Variants in CSMD1 observed in about 807,000 individuals in gnomAD.
The protein encoded by CSMD1 is CUB and sushi domain-containing protein 1.
In CSMD1, 213 loss-of-function variants were observed where a neutral mutation model predicts 417.5. That is an observed-to-expected ratio of 0.51 (90% CI 0.46 to 0.57). CSMD1 has a LOEUF of 0.57. Ranked by LOEUF, CSMD1 falls within the 20% of genes least tolerant of loss-of-function variation. The pLI is 0.00. For synonymous variants in CSMD1, 2,862 were observed against 1,736.8 expected (o/e 1.65, Z -16.11); for missense variants, 6,923 against 4,529.7 (o/e 1.53, Z -15.17).
chr8:3,332,940 G>A (rs1478596157), intron 23 of CSMD1, among the ~76,000 whole-genome samples: 1 of 152,230 alleles, frequency 6.6e-6, no homozygotes, highest in Non-Finnish European at 1.5e-5. Context: ...TCGATGCTGA[G>A]TTTGTCAAGA....
intron 2 of CSMD1, among the ~76,000 whole-genome samples, chr8:4,482,161 TG>T (rs1316586698): frequency 6.6e-6 from 1 of 152,158 alleles, no homozygotes; most frequent in East Asian, 1.9e-4. Flanking sequence ...ACTTGTGTCA[TG>T]GGGGTTTGCT....
chr8:3,811,308 T>C (rs1201839988), intron 5 of CSMD1, among the ~76,000 whole-genome samples: 1 of 152,218 alleles, frequency 6.6e-6, no homozygotes, highest in Non-Finnish European at 1.5e-5. Context: ...GCTAACCTGC[T>C]ATAACCTTCA....
chr8:4,129,656 G>T (rs898032842), intron 3 of CSMD1, among the ~76,000 whole-genome samples: 1 of 151,882 alleles, frequency 6.6e-6, no homozygotes, highest in Non-Finnish European at 1.5e-5. Context: ...ATTCTCTTTT[G>T]TCCCAATGTT....
chr8:3,897,334 C>G (rs530331523), intron 5 of CSMD1, among the ~76,000 whole-genome samples: 1 of 152,294 alleles, frequency 6.6e-6, no homozygotes, highest in Non-Finnish European at 1.5e-5. Context: ...GGTCAGGTTT[C>G]TCTTATAAGC....
chr8:4,152,771 T>C (rs566105605), intron 3 of CSMD1, among the ~76,000 whole-genome samples: 1 of 152,014 alleles, frequency 6.6e-6, no homozygotes, highest in Admixed American at 6.6e-5. Flanking sequence ...TATAATCAAA[T>C]ATATATGCAT....
intron 49 of CSMD1, among the ~76,000 whole-genome samples, chr8:3,073,606 C>G (rs1037029884): frequency 3.9e-5 from 6 of 152,082 alleles, no homozygotes; most frequent in African/African-American, 1.2e-4. Flanking sequence ...GAGGACTTTT[C>G]TAGGCCACAG....
At chr8:2,974,054 T>C (rs1475379381) in intron 56 of CSMD1, among the ~76,000 whole-genome samples, 1 of 146,574 alleles carries the variant, frequency 6.8e-6, no homozygotes, top group African/African-American at 2.6e-5. Flanking sequence ...AGGATGGTGG[T>C]AGAGGATGGT....
chr8:4,631,393 G>T (rs1802503571), intron 2 of CSMD1, among the ~76,000 whole-genome samples: 2 of 145,774 alleles, frequency 1.4e-5, no homozygotes, highest in Admixed American at 1.3e-4. Flanking sequence ...ATGATACCTT[G>T]GTTTGTTTTT....
chr8:3,296,237 G>C (rs1803953561), intron 25 of CSMD1, among the ~76,000 whole-genome samples: 1 of 151,846 alleles, frequency 6.6e-6, no homozygotes, highest in African/African-American at 2.4e-5. Flanking sequence ...AGCCTTGAAG[G>C]AGTTAAGGGT....
At position 3,359,186 on chromosome 8, in the gene CSMD1, G is replaced by A; in HGVS notation, c.3270C>T (p.Arg1090=). 2 of 1,613,948 alleles carry A rather than the reference G, an allele frequency of 1.2e-6. No individual in the cohort carries two copies. The highest frequency in any genetic ancestry group is 1.7e-6 in the Non-Finnish European group (2 of 1,179,944). Residue 1090 remains arginine, a synonymous_variant, in exon 21 of 70, where the codon CGC becomes CGT. Transcript: ENST00000635120. ...TTGGCAGAGGTGCACTCCACACACG[G>A]CGGCCCCCACCCAGGCAGGTAAGCT... ...ATKLTCLGGG[R]RVWSAPLPRC...
chr8:4,328,641 A>G (rs1304826332), intron 3 of CSMD1, among the ~76,000 whole-genome samples: 3 of 146,946 alleles, frequency 2.0e-5, no homozygotes, highest in South Asian at 2.1e-4. Context: ...CTTACCAAGA[A>G]TAACATCACT....
At chr8:3,646,320 T>G (rs1246235741) in intron 7 of CSMD1, among the ~76,000 whole-genome samples, 2 of 152,182 alleles carry the variant, frequency 1.3e-5, no homozygotes, top group African/African-American at 2.4e-5. Flanking sequence ...TACTAAAATA[T>G]AGAAGATATT....
intron 5 of CSMD1, among the ~76,000 whole-genome samples, chr8:3,776,889 A>AT (rs1229789632): frequency 6.6e-6 from 1 of 150,988 alleles, no homozygotes; most frequent in Non-Finnish European, 1.5e-5. Flanking sequence ...ATAACTTTGT[A>AT]TTTTTTGCAG....
chr8:4,034,201 A>T (rs1278168536), intron 3 of CSMD1, among the ~76,000 whole-genome samples: 1 of 152,104 alleles, frequency 6.6e-6, no homozygotes. Flanking sequence ...TATTTCTAAA[A>T]GTATTTTTAT....
At chr8:4,338,932 G>C (rs551449212) in intron 3 of CSMD1, among the ~76,000 whole-genome samples, 3 of 152,212 alleles carry the variant, frequency 2.0e-5, no homozygotes, top group African/African-American at 7.2e-5. Context: ...GTTAAAGTAA[G>C]GGTAAGCGTA....
In CSMD1 at chr8:4,376,611, G is replaced by T. The variant is rs1389442851; in HGVS notation, c.415+43342C>A. Among the ~76,000 whole-genome samples, 3 of 151,966 alleles carry T rather than the reference G, an allele frequency of 2.0e-5. No individual in the cohort carries two copies. In the East Asian group the frequency reaches 5.8e-4, roughly 29 times the overall value. ...GAGTTAGTCTGACAATTTTTAGGGGGGAATTAAATAATATTTCTTTTCAGA... is the reference window on the plus strand; with the variant it reads ...GAGTTAGTCTGACAATTTTTAGGGGTGAATTAAATAATATTTCTTTTCAGA... On this transcript the variant is annotated intron_variant, in intron 3 of 69. Coordinates refer to ENST00000635120, the MANE Select transcript of CSMD1 (RefSeq NM_033225.6).
intron 4 of CSMD1, among the ~76,000 whole-genome samples, chr8:4,012,998 T>A (rs1052405516): frequency 1.8e-4 from 28 of 152,144 alleles, no homozygotes; most frequent in African/African-American, 5.8e-4. Flanking sequence ...ACACCTCTCA[T>A]TTTCATTTTG....
Position 3,998,004 on chromosome 8 carries a change from C to T in CSMD1, c.717G>A (p.Leu239=), listed in dbSNP as rs1298602130. 3 of 1,609,302 alleles carry T rather than the reference C, an allele frequency of 1.9e-6. No homozygotes were observed. The South Asian group carries it at 3.3e-5, about 18-fold the overall frequency. ...GCGCAATGGTGTCCCCGGGCTCAGC[C>T]AGAATGGTCCAGGTGCAGTCCGCGT... ...ENNADCTWTI[L]AEPGDTIALV... is the part of the protein sequence containing the mutation. Residue 239 remains leucine, a synonymous_variant, in exon 5 of 70, where the codon CTG becomes CTA. Transcript: ENST00000635120.
At chr8:4,889,220 G>C (rs1039328428) in intron 1 of CSMD1, among the ~76,000 whole-genome samples, 1 of 152,124 alleles carries the variant, frequency 6.6e-6, no homozygotes, top group African/African-American at 2.4e-5. Flanking sequence ...GCTGGTATCA[G>C]TAGGAATGAC....
Sources: gnomAD v4.1 joint callset for allele counts (sites outside exome capture counted in the v4.1 genomes callset) on GRCh38, gnomAD v4.1.1 for gene constraint, MANE v1.5 for transcripts, NCBI Gene and HGNC (gene_info 2026-07-23, HGNC 2026-07-21) for gene names.